EPC2: variants seen among roughly 807,000 people sequenced by gnomAD.
EPC2 encodes the protein enhancer of polycomb homolog 2.
A neutral mutation model predicts 92.1 loss-of-function variants in EPC2; 14 were observed. The observed-to-expected ratio is 0.15, with a 90% confidence interval of 0.10 to 0.24. The LOEUF (loss-of-function observed/expected upper bound fraction) is 0.24, where lower values mean the gene tolerates loss of function less well. EPC2 is among the 10% of genes least tolerant of loss of function. The pLI, the probability that EPC2 is intolerant of heterozygous loss-of-function variation, is 1.00. For missense variants in EPC2, 755 were observed against 971.5 expected (o/e 0.78, Z 2.96); for synonymous variants, 340 against 334.7 (o/e 1.02, Z -0.17).
At chr2:148,764,364 C>A (rs1187070749) in intron 6 of EPC2, among the ~76,000 whole-genome samples, 1 of 152,156 alleles carries the variant, frequency 6.6e-6, no homozygotes, top group Non-Finnish European at 1.5e-5. Flanking sequence ...AAACCTACCC[C>A]TTCAGTCAGT....
At chr2:148,688,694 A>G (rs1293771288) in intron 1 of EPC2, among the ~76,000 whole-genome samples, 1 of 152,218 alleles carries the variant, frequency 6.6e-6, no homozygotes, top group Non-Finnish European at 1.5e-5. Context: ...CAGTTTCTTT[A>G]TATGCATTTT....
chr2:148,776,856 CTTTTTTTTT>C (rs56073706), intron 10 of EPC2, among the ~76,000 whole-genome samples: 1 of 101,042 alleles, frequency 9.9e-6, no homozygotes, highest in Admixed American at 1.2e-4. Context: ...GTCTCTCTCT[CTTTTTTTTT>C]TTTTTTTTTT....
At chr2:148,772,380 G>C (rs76918096) in intron 10 of EPC2, among the ~76,000 whole-genome samples, 3,811 of 152,116 alleles carry the variant, frequency 0.025, 60 homozygotes, top group Non-Finnish European at 0.036. Context: ...TTACACTGTT[G>C]ATACCATTTT....
chr2:148,665,158 G>A (rs1681032811), intron 1 of EPC2, among the ~76,000 whole-genome samples: 1 of 152,098 alleles, frequency 6.6e-6, no homozygotes. Context: ...AAATCATTCT[G>A]TCTTTTTCAC....
intron 1 of EPC2, among the ~76,000 whole-genome samples, 191 bp from the exon 2 acceptor site, chr2:148,690,023 G>T (rs1401370038): frequency 3.3e-5 from 5 of 152,056 alleles, no homozygotes; most frequent in African/African-American, 1.2e-4. Flanking sequence ...ATAATCTAAG[G>T]TGTTATCAGT....
At chr2:148,745,696 A>G (rs543848713) in intron 3 of EPC2, among the ~76,000 whole-genome samples, 1 of 152,246 alleles carries the variant, frequency 6.6e-6, no homozygotes, top group East Asian at 1.9e-4. Context: ...ATCAAGGATT[A>G]AAGATAACAA....
chr2:148,742,831 A>G (rs1682903830), intron 2 of EPC2, among the ~76,000 whole-genome samples: 1 of 152,000 alleles, frequency 6.6e-6, no homozygotes, highest in African/African-American at 2.4e-5. Flanking sequence ...TCTCTACTAA[A>G]ATACCAATTC....
intron 1 of EPC2, among the ~76,000 whole-genome samples, chr2:148,665,643 T>C (rs1681041626): frequency 6.6e-6 from 1 of 152,190 alleles, no homozygotes; most frequent in Non-Finnish European, 1.5e-5. Flanking sequence ...AATTATGATG[T>C]TTAGGATAAC....
intron 10 of EPC2, among the ~76,000 whole-genome samples, chr2:148,774,918 T>C (rs556259922): frequency 6.6e-6 from 1 of 151,212 alleles, no homozygotes; most frequent in Middle Eastern, 3.4e-3. Flanking sequence ...AAACCCCGAC[T>C]CTACTAAAAA....
intron 1 of EPC2, chr2:148,645,643 T>C (rs1305271288): frequency 6.5e-6 from 1 of 153,654 alleles, no homozygotes. Context: ...ACAAACATCT[T>C]CCTCCCAGCA....
chr2:148,766,820 A>G (rs1449277944), intron 7 of EPC2, among the ~76,000 whole-genome samples: 1 of 152,214 alleles, frequency 6.6e-6, no homozygotes, highest in Non-Finnish European at 1.5e-5. Flanking sequence ...AAATATTTGT[A>G]TAATAGGCTT....
At chr2:148,736,392 A>AATGTGGT (rs1682753432) in intron 2 of EPC2, among the ~76,000 whole-genome samples, 1 of 152,104 alleles carries the variant, frequency 6.6e-6, no homozygotes, top group Non-Finnish European at 1.5e-5. Flanking sequence ...AGAAAACTAA[A>AATGTGGT]ATGTGGTAGG....
chr2:148,665,292 A>C (rs1681035580), intron 1 of EPC2, among the ~76,000 whole-genome samples: 1 of 152,254 alleles, frequency 6.6e-6, no homozygotes, highest in Non-Finnish European at 1.5e-5. Flanking sequence ...TTTGTAAATC[A>C]GTAAGTAAAT....
intron 1 of EPC2, among the ~76,000 whole-genome samples, chr2:148,662,517 G>A (rs552075602): frequency 3.2e-4 from 48 of 152,260 alleles, no homozygotes; most frequent in South Asian, 2.3e-3. Flanking sequence ...GTCCTTTGTA[G>A]GGACATGGAT....
At chr2:148,664,996 G>A (rs998260090) in intron 1 of EPC2, among the ~76,000 whole-genome samples, 1 of 152,108 alleles carries the variant, frequency 6.6e-6, no homozygotes, top group Non-Finnish European at 1.5e-5. Flanking sequence ...ACTTTAAAAA[G>A]GATCAAACCA....
intron 3 of EPC2, among the ~76,000 whole-genome samples, chr2:148,744,163 C>T (rs1682937654): frequency 5.9e-5 from 9 of 152,022 alleles, no homozygotes; most frequent in Admixed American, 5.9e-4. Context: ...ATTACTTATA[C>T]ATTATTTCAG....
intron 2 of EPC2, among the ~76,000 whole-genome samples, chr2:148,729,753 T>A (rs1682580953): frequency 6.6e-6 from 1 of 152,156 alleles, no homozygotes; most frequent in Non-Finnish European, 1.5e-5. Flanking sequence ...CATTAAAAAA[T>A]ATATATTCTT....
At chr2:148,785,244 G>A (rs192165574) in intron 13 of EPC2, among the ~76,000 whole-genome samples, 7 of 152,200 alleles carry the variant, frequency 4.6e-5, no homozygotes, top group Non-Finnish European at 8.8e-5. Flanking sequence ...GAGAGAGAGA[G>A]AGAGAAAGGA....
chr2:148,743,834 A>G, intron 3 of EPC2, 67 bp downstream of exon 3: 1 of 1,233,194 alleles, frequency 8.1e-7, no homozygotes, highest in African/African-American at 1.6e-5. Context: ...ATAAGACCTG[A>G]GTGTGTTGCA....
Sources: allele counts gnomAD v4.1 joint callset (sites outside exome capture counted in the v4.1 genomes callset), GRCh38; gene constraint gnomAD v4.1.1; transcripts MANE v1.5; gene names NCBI Gene and HGNC (gene_info 2026-07-23, HGNC 2026-07-21).